SLC35F1: variants seen among roughly 807,000 people sequenced by gnomAD.
SLC35F1 encodes chromosome 6 open reading frame 169.
A neutral mutation model predicts 48.7 loss-of-function variants in SLC35F1; 14 were observed. That is an observed-to-expected ratio of 0.29 (90% CI 0.19 to 0.45). The LOEUF (loss-of-function observed/expected upper bound fraction) is 0.45. Ranked by LOEUF, SLC35F1 falls within the 20% of genes least tolerant of loss-of-function variation. The pLI is 1.00. For synonymous variants in SLC35F1, 190 were observed against 202.2 expected, an observed-to-expected ratio of 0.94 and a Z score of 0.51; for missense variants, 404 against 500.0, an observed-to-expected ratio of 0.81 and a Z score of 1.83.
intron 1 of SLC35F1, among the ~76,000 whole-genome samples, chr6:117,941,347 G>A (rs1776230390): frequency 6.6e-6 from 1 of 152,162 alleles, no homozygotes; most frequent in Admixed American, 6.5e-5. Context: ...AAGGAAATGA[G>A]TCCTTCCACA....
chr6:118,110,462 G>A (rs1010391508), intron 1 of SLC35F1, among the ~76,000 whole-genome samples: 3 of 152,124 alleles, frequency 2.0e-5, no homozygotes, highest in African/African-American at 7.2e-5. Flanking sequence ...TGGGGACAGA[G>A]GGCACTATTT....
chr6:118,311,253 G>A (rs938007223), intron 7 of SLC35F1, among the ~76,000 whole-genome samples: 45 of 152,104 alleles, frequency 3.0e-4, no homozygotes, highest in African/African-American at 1.1e-3. Flanking sequence ...GGTTTTTGTT[G>A]AGCATTTTAT....
intron 2 of SLC35F1, among the ~76,000 whole-genome samples, chr6:118,186,804 A>G (rs1774662954): frequency 1.3e-5 from 2 of 152,218 alleles, no homozygotes; most frequent in African/African-American, 4.8e-5. Context: ...GAACCCCACA[A>G]TGCAAATCAA....
intron 2 of SLC35F1, among the ~76,000 whole-genome samples, chr6:118,187,887 A>G (rs1024369817): frequency 2.6e-5 from 4 of 152,260 alleles, no homozygotes; most frequent in African/African-American, 9.6e-5. Context: ...TGTTTCAAAA[A>G]TAATGGCATA....
At chr6:118,171,290 C>CA (rs1455596684) in intron 2 of SLC35F1, among the ~76,000 whole-genome samples, 16 of 152,264 alleles carry the variant, frequency 1.1e-4, no homozygotes, top group South Asian at 1.0e-3. Flanking sequence ...TTTGGCCTCC[C>CA]AAAGTGCTGG....
intron 1 of SLC35F1, among the ~76,000 whole-genome samples, chr6:117,914,904 A>T (rs1366203289): frequency 1.3e-5 from 2 of 152,154 alleles, no homozygotes; most frequent in Non-Finnish European, 2.9e-5. Flanking sequence ...GGCTTAAAAA[A>T]TATTAAAAAA....
At chr6:118,275,804 T>C (rs1775912036) in intron 5 of SLC35F1, among the ~76,000 whole-genome samples, 189 bp downstream of exon 5, 1 of 152,200 alleles carries the variant, frequency 6.6e-6, no homozygotes, top group South Asian at 2.1e-4. Flanking sequence ...AAGTTTAATA[T>C]AAATTTTTAC....
chr6:118,310,875 G>A (rs1248097626), intron 7 of SLC35F1, among the ~76,000 whole-genome samples: 4 of 152,180 alleles, frequency 2.6e-5, no homozygotes, highest in African/African-American at 9.7e-5. Context: ...GATCCTTTAA[G>A]CAGTACATTA....
intron 1 of SLC35F1, among the ~76,000 whole-genome samples, chr6:117,966,705 CT>C (rs1025583523): frequency 6.6e-6 from 1 of 152,212 alleles, no homozygotes; most frequent in African/African-American, 2.4e-5. Flanking sequence ...TGGCCATCTT[CT>C]CCCTGTGTCT....
chr6:118,072,480 C>T (rs1047039096), intron 1 of SLC35F1, among the ~76,000 whole-genome samples: 1 of 152,010 alleles, frequency 6.6e-6, no homozygotes, highest in Non-Finnish European at 1.5e-5. Flanking sequence ...AGGAGAATGG[C>T]GTGAACCTGG....
At chr6:118,095,293 C>T (rs971065451) in intron 1 of SLC35F1, among the ~76,000 whole-genome samples, 2 of 152,138 alleles carry the variant, frequency 1.3e-5, no homozygotes, top group African/African-American at 2.4e-5. Context: ...AAACAGGTGC[C>T]AGCATTGAAT....
chr6:118,094,987 C>CCAGGCATGA (rs1773129796), intron 1 of SLC35F1, among the ~76,000 whole-genome samples: 1 of 150,114 alleles, frequency 6.7e-6, no homozygotes, highest in South Asian at 2.1e-4. Flanking sequence ...AAAAAAGTAG[C>CCAGGCATGA]CAGGCATGAT....
rs199760029 is a variant in SLC35F1, at chr6:118,314,160, G to C, written c.1135G>C (p.Asp379His). The C allele has an allele frequency of 8.1e-6, 13 of 1,614,152 alleles. No homozygotes were observed. Among genetic ancestry groups the C allele is most frequent in the Non-Finnish European group, 1.1e-5 (13 of 1,180,026 alleles). Residue 379 changes from aspartate (D) to histidine (H), a missense_variant, in exon 8 of 8, where the codon GAC (aspartate) becomes CAC (histidine). Coordinates refer to ENST00000360388, the MANE Select transcript of SLC35F1 (RefSeq NM_001029858.4). ...QFRNPSGPVV[D>H]LPTTAQVEPS... The stretch of plus-strand genomic sequence containing the variant: ...CCGCAATCCTTCAGGACCTGTTGTG[G>C]ACTTACCGACCACAGCTCAGGTGGA...
chr6:117,907,506 G>C lies in SLC35F1; in HGVS notation c.-221G>C, dbSNP rs965861792. ...GGCGGGCGGCGGCGGCGGCGGCACG[G>C]GCGCGAGGGTGCGCGCACTGGGACT... is the stretch of plus-strand genomic sequence containing the variant. On this transcript the variant is annotated 5_prime_UTR_variant, in exon 1 of 8. Coordinates refer to ENST00000360388, the MANE Select transcript of SLC35F1 (RefSeq NM_001029858.4). The C allele has an allele frequency of 3.6e-6, 1 of 277,700 alleles. No homozygotes were observed. The highest frequency in any genetic ancestry group is 6.6e-6 in the Non-Finnish European group (1 of 151,032). 17.2% of individuals were successfully genotyped at this position (277,700 alleles called of 1,614,324 possible).
intron 1 of SLC35F1, among the ~76,000 whole-genome samples, chr6:118,030,952 T>G (rs192359835): frequency 1.7e-3 from 256 of 152,330 alleles, no homozygotes; most frequent in Admixed American, 4.9e-3. Flanking sequence ...GAATTTATTT[T>G]TTTAATGAAT....
intron 3 of SLC35F1, among the ~76,000 whole-genome samples, chr6:118,236,912 T>A (rs935229384): frequency 1.3e-5 from 2 of 152,254 alleles, no homozygotes; most frequent in Non-Finnish European, 2.9e-5. Context: ...AATTTCCTTG[T>A]ATGAAATCCT....
chr6:117,963,940 C>T (rs1159903236), intron 1 of SLC35F1, among the ~76,000 whole-genome samples: 3 of 152,166 alleles, frequency 2.0e-5, no homozygotes, highest in Non-Finnish European at 4.4e-5. Context: ...GCCCCACATG[C>T]ATTAAGTATT....
chr6:118,120,455 A>T lies in SLC35F1; in HGVS notation c.174-33990A>T, dbSNP rs184044758. ...AGGTTGATGCTTAAAATAACCTCAA[A>T]GATAGGGAATTCCCTTTATAGCTGT... is the stretch of plus-strand genomic sequence containing the variant. On this transcript the variant is annotated intron_variant, in intron 1 of 7. Coordinates refer to ENST00000360388, the MANE Select transcript of SLC35F1 (RefSeq NM_001029858.4). Among the ~76,000 whole-genome samples the T allele has an allele frequency of 9.2e-5, 14 of 152,312 alleles. No homozygotes were observed. The East Asian group carries it at 2.3e-3, about 25-fold the overall frequency.
chr6:118,101,793 T>A (rs1306783603), intron 1 of SLC35F1, among the ~76,000 whole-genome samples: 1 of 152,248 alleles, frequency 6.6e-6, no homozygotes, highest in Non-Finnish European at 1.5e-5. Context: ...AAGGACTTGC[T>A]GTTATTAAAA....
Sources: allele counts gnomAD v4.1 joint callset (sites outside exome capture counted in the v4.1 genomes callset), GRCh38; gene constraint gnomAD v4.1.1; transcripts MANE v1.5; gene names NCBI Gene and HGNC (gene_info 2026-07-23, HGNC 2026-07-21).